The following BRINP3 variants were observed in gnomAD, a reference collection of about 807,000 sequenced individuals.
The protein encoded by BRINP3 is BMP/retinoic acid inducible neural specific 3.
BRINP3 carries 19 observed loss-of-function variants against 71.0 expected under a neutral mutation model. The ratio of observed to expected loss-of-function variants is 0.27; its 90% confidence interval spans 0.19 to 0.39. The LOEUF (loss-of-function observed/expected upper bound fraction) is 0.39, where lower values mean the gene tolerates loss of function less well. Among genes scored for constraint, BRINP3 ranks in the 10% least tolerant of loss-of-function variants. BRINP3 has a pLI of 1.00. For synonymous variants in BRINP3, 380 were observed against 337.7 expected (o/e 1.13, Z -1.37); for missense variants, 959 against 940.8 (o/e 1.02, Z -0.25).
At chr1:190,342,072 A>G (rs1464783393) in intron 2 of BRINP3, among the ~76,000 whole-genome samples, 2 of 150,646 alleles carry the variant, frequency 1.3e-5, no homozygotes, top group African/African-American at 4.9e-5. Flanking sequence ...CCCCATTTCT[A>G]TAACTTCAAA....
At chr1:190,301,647 A>G (rs1664748117) in intron 2 of BRINP3, among the ~76,000 whole-genome samples, 1 of 151,830 alleles carries the variant, frequency 6.6e-6, no homozygotes, top group Non-Finnish European at 1.5e-5. Context: ...CAGATATATT[A>G]AAGAAGTTGT....
intron 2 of BRINP3, among the ~76,000 whole-genome samples, chr1:190,283,668 T>G (rs564380470): frequency 1.3e-5 from 2 of 148,818 alleles, no homozygotes; most frequent in African/African-American, 4.9e-5. Context: ...ATAGGATATA[T>G]AAATAAAAAT....
chr1:190,140,814 A>G (rs566862527), intron 7 of BRINP3, among the ~76,000 whole-genome samples: 1 of 152,306 alleles, frequency 6.6e-6, no homozygotes, highest in African/African-American at 2.4e-5. Context: ...CACATAGTGT[A>G]AAGCTATTCA....
intron 7 of BRINP3, among the ~76,000 whole-genome samples, chr1:190,125,457 T>A (rs1006227346): frequency 2.6e-5 from 4 of 152,130 alleles, no homozygotes; most frequent in Admixed American, 2.0e-4. Flanking sequence ...GAATATGTTG[T>A]ACATTTTATT....
chr1:190,406,409 A>G (rs1260757604), intron 2 of BRINP3, among the ~76,000 whole-genome samples: 1 of 152,206 alleles, frequency 6.6e-6, no homozygotes, highest in Non-Finnish European at 1.5e-5. Context: ...TACTATTTCT[A>G]GAGCCTATAT....
At chr1:190,337,869 T>C (rs991714355) in intron 2 of BRINP3, among the ~76,000 whole-genome samples, 1 of 147,190 alleles carries the variant, frequency 6.8e-6, no homozygotes, top group African/African-American at 2.7e-5. Flanking sequence ...TTGGGTTTTA[T>C]TGTTGTTGTT....
At chr1:190,330,532 G>A (rs139564512) in intron 2 of BRINP3, among the ~76,000 whole-genome samples, 8 of 152,036 alleles carry the variant, frequency 5.3e-5, no homozygotes, top group Non-Finnish European at 1.2e-4. Flanking sequence ...ACTGTTGGTA[G>A]GAATGTACAT....
intron 2 of BRINP3, among the ~76,000 whole-genome samples, chr1:190,367,920 C>A (rs6691819): frequency 0.16 from 24,234 of 152,116 alleles, 2,069 homozygotes; most frequent in Middle Eastern, 0.21. Context: ...GTCTTCTGAG[C>A]CTCCATGTCT....
intron 2 of BRINP3, among the ~76,000 whole-genome samples, chr1:190,356,365 C>T (rs1444016730): frequency 6.6e-6 from 1 of 151,870 alleles, no homozygotes; most frequent in Non-Finnish European, 1.5e-5. Flanking sequence ...ATAAGAAGAT[C>T]AGTGTTTAAC....
At chr1:190,278,060 C>T (rs941490472) in intron 3 of BRINP3, among the ~76,000 whole-genome samples, 4 of 151,506 alleles carry the variant, frequency 2.6e-5, no homozygotes, top group Non-Finnish European at 5.9e-5. Flanking sequence ...GTATGGTACC[C>T]AAAGTTTTAT....
At chr1:190,120,443 A>G (rs1003583193) in intron 7 of BRINP3, among the ~76,000 whole-genome samples, 4 of 152,038 alleles carry the variant, frequency 2.6e-5, no homozygotes, top group Admixed American at 6.6e-5. Context: ...TTATAATGTC[A>G]AGCATTTAAA....
intron 7 of BRINP3, among the ~76,000 whole-genome samples, chr1:190,105,477 C>T (rs1652072194): frequency 6.6e-6 from 1 of 152,072 alleles, no homozygotes; most frequent in Non-Finnish European, 1.5e-5. Context: ...AGTTATATTA[C>T]AAGGATTATT....
intron 2 of BRINP3, among the ~76,000 whole-genome samples, chr1:190,375,923 T>G (rs1004442919): frequency 6.6e-6 from 1 of 151,946 alleles, no homozygotes; most frequent in African/African-American, 2.4e-5. Context: ...ATTTTTAGAT[T>G]TAAATGAAAA....
chr1:190,172,712 T>C (rs1652128281), intron 6 of BRINP3, among the ~76,000 whole-genome samples: 1 of 152,170 alleles, frequency 6.6e-6, no homozygotes, highest in Non-Finnish European at 1.5e-5. Context: ...ATGTGGGACG[T>C]GGAAGGCTGA....
At chr1:190,407,036 T>C (rs2102388586) in intron 2 of BRINP3, among the ~76,000 whole-genome samples, 1 of 152,282 alleles carries the variant, frequency 6.6e-6, no homozygotes, top group African/African-American at 2.4e-5. Flanking sequence ...TAAAAGTGTA[T>C]TAAGTTATTG....
chr1:190,282,733 C>T (rs965424865), intron 2 of BRINP3, among the ~76,000 whole-genome samples: 1 of 151,844 alleles, frequency 6.6e-6, no homozygotes, highest in Admixed American at 6.6e-5. Context: ...CTGCAAGTAG[C>T]CTTCTCCTTT....
At chr1:190,414,601 A>G (rs745704305) in intron 2 of BRINP3, among the ~76,000 whole-genome samples, 12 of 152,312 alleles carry the variant, frequency 7.9e-5, no homozygotes, top group Non-Finnish European at 1.6e-4. Context: ...TATTCTAGGA[A>G]AATAGAAAGA....
intron 2 of BRINP3, among the ~76,000 whole-genome samples, chr1:190,421,835 TA>T (rs1558272263): frequency 2.6e-5 from 4 of 151,876 alleles, no homozygotes. Context: ...AACATAATGT[TA>T]AATCATCAGA....
In BRINP3 at chr1:190,293,055, T is replaced by A. The variant is rs569231552; in HGVS notation, c.237-11305A>T. Among the ~76,000 whole-genome samples, 7 of 152,176 alleles carry A rather than the reference T, an allele frequency of 4.6e-5. No homozygotes were observed. In the East Asian group the frequency reaches 1.2e-3, roughly 25 times the overall value. Reference sequence around the variant, plus strand: ...TTCTGCTCTAATCTTTACTATTTCTTTTCTTTTACTAATTTTGGGATTGGT... The same window carrying A: ...TTCTGCTCTAATCTTTACTATTTCTATTCTTTTACTAATTTTGGGATTGGT... On this transcript the variant is annotated intron_variant, in intron 2 of 7. Transcript: ENST00000367462.
Sources: allele counts gnomAD v4.1 joint callset (sites outside exome capture counted in the v4.1 genomes callset), GRCh38; gene constraint gnomAD v4.1.1; transcripts MANE v1.5; gene names NCBI Gene and HGNC (gene_info 2026-07-23, HGNC 2026-07-21).